Variants in ASH1L observed in about 807,000 individuals in gnomAD.
The protein encoded by ASH1L is ASH1 like histone lysine methyltransferase, also known as histone-lysine N-methyltransferase ASH1L.
In ASH1L, 23 loss-of-function variants were observed where a neutral mutation model predicts 269.0. That is an observed-to-expected ratio of 0.09 (90% CI 0.06 to 0.12). ASH1L has a LOEUF of 0.12. Among genes scored for constraint, ASH1L ranks in the 10% least tolerant of loss-of-function variants. The pLI, the probability that ASH1L is intolerant of heterozygous loss-of-function variation, is 1.00. For synonymous variants in ASH1L, 1,187 were observed against 1,253.5 expected (o/e 0.95, Z 1.12); for missense variants, 2,912 against 3,567.8 (o/e 0.82, Z 4.68).
At chr1:155,416,930 C>CTT (rs1227850302) in intron 5 of ASH1L, among the ~76,000 whole-genome samples, 2 of 122,960 alleles carry the variant, frequency 1.6e-5, no homozygotes, top group African/African-American at 3.0e-5. Flanking sequence ...CTTTCCTTTT[C>CTT]TTTTTTTTTT....
At chr1:155,475,561 T>C (rs1413075019) in intron 3 of ASH1L, among the ~76,000 whole-genome samples, 1 of 152,240 alleles carries the variant, frequency 6.6e-6, no homozygotes, top group Non-Finnish European at 1.5e-5. Context: ...GTATTAACTT[T>C]ATAGCATTTT....
At chr1:155,349,271 G>A (rs975569499) in intron 19 of ASH1L, 56 bp downstream of exon 19, 9 of 1,574,222 alleles carry the variant, frequency 5.7e-6, no homozygotes, top group Middle Eastern at 2.3e-4. Flanking sequence ...TAAACTTCTA[G>A]ACTAATTCTT....
rs1451434088 is a variant in ASH1L, at chr1:155,464,993, G to T, written c.4985-5095C>A. The stretch of plus-strand genomic sequence containing the variant: ...TAAACAGAAAATGAGCAGAAACCAA[G>T]AACCTGTTTTCAAATTGATTTGCCA... On this transcript the variant is annotated intron_variant, in intron 3 of 27. Coordinates refer to ENST00000392403, the MANE Select transcript of ASH1L (RefSeq NM_018489.3). Among the ~76,000 whole-genome samples, 3 of 151,972 alleles carry T rather than the reference G, an allele frequency of 2.0e-5. No homozygotes were observed. The South Asian group carries it at 6.2e-4, about 31-fold the overall frequency.
chr1:155,538,201 C>T (rs987225263), intron 1 of ASH1L, among the ~76,000 whole-genome samples: 2 of 150,504 alleles, frequency 1.3e-5, no homozygotes, highest in Non-Finnish European at 3.0e-5. Flanking sequence ...ATTTTTGTAT[C>T]TTTAGTACTT....
At position 155,475,969 on chromosome 1, in the gene ASH1L, CTATTA is replaced by C. The variant is rs369771400; in HGVS notation, c.4984+1912_4984+1916del. 5.2e-3 allele frequency among the ~76,000 whole-genome samples: 787 copies of C among 152,278 alleles called. 6 individuals carry two copies. The highest frequency in any genetic ancestry group is 0.018 in the African/African-American group (758 of 41,530). On this transcript the variant is annotated intron_variant, in intron 3 of 27. Transcript: ENST00000392403. Reference sequence around the variant, plus strand: ...TCAATGAACCTGTGTGCCTCATTCTCTATTATATAACAAGGGCCCACAAAGTAGAA... The same window carrying C: ...TCAATGAACCTGTGTGCCTCATTCTCTATAACAAGGGCCCACAAAGTAGAA...
Position 155,379,995 on chromosome 1 carries a change from C to T in ASH1L, c.6177+48G>A, listed in dbSNP as rs780366578. ...AAAAACACTTGCATTTCCACCCCTC[C>T]CCCTTTACCACTTAAGAATGAAACC... On this transcript the variant is annotated intron_variant, in intron 8 of 27. Transcript: ENST00000392403. 64 of 1,359,324 alleles carry T rather than the reference C, an allele frequency of 4.7e-5. 1 individual carries two copies. In the South Asian group the frequency reaches 7.3e-4, roughly 16 times the overall value. 84.2% of individuals were successfully genotyped at this position (1,359,324 alleles called of 1,614,324 possible). A position where few individuals can be genotyped will look rare whatever the true frequency, so the allele number is the denominator to read the frequency against.
chr1:155,550,045 G>A lies in ASH1L; in HGVS notation c.-100+12108C>T, dbSNP rs148515447. On this transcript the variant is annotated intron_variant, in intron 1 of 27. Coordinates refer to ENST00000392403, the MANE Select transcript of ASH1L (RefSeq NM_018489.3). ...ATAGCCTCTTTTTTTTTTTGAGACA[G>A]AGTCTCGCTCTGTTGCCCAAGCTGG... Among the ~76,000 whole-genome samples the A allele has an allele frequency of 1.7e-3, 252 of 151,068 alleles. 1 individual carries two copies. The highest frequency in any genetic ancestry group is 5.9e-3 in the African/African-American group (241 of 41,040).
At chr1:155,370,045 G>C (rs1655798193) in intron 12 of ASH1L, 2 of 172,908 alleles carry the variant, frequency 1.2e-5, no homozygotes, top group Non-Finnish European at 1.3e-5. Context: ...GGGATTACAG[G>C]CATGAGCCAA....
At chr1:155,546,028 G>A (rs979935043) in intron 1 of ASH1L, among the ~76,000 whole-genome samples, 16 of 151,956 alleles carry the variant, frequency 1.1e-4, no homozygotes, top group African/African-American at 3.6e-4. Context: ...GCGTGGTGGC[G>A]TGTGCCTGTA....
At chr1:155,557,287 G>C (rs1671661545) in intron 1 of ASH1L, among the ~76,000 whole-genome samples, 1 of 151,450 alleles carries the variant, frequency 6.6e-6, no homozygotes, top group South Asian at 2.1e-4. Flanking sequence ...TTTTGAGACA[G>C]AGTCTCGCTC....
chr1:155,533,729 A>G (rs965745826), intron 1 of ASH1L, among the ~76,000 whole-genome samples: 1 of 151,970 alleles, frequency 6.6e-6, no homozygotes, highest in Non-Finnish European at 1.5e-5. Flanking sequence ...AAAAAAAAAA[A>G]AAAAGAAAAG....
intron 2 of ASH1L, among the ~76,000 whole-genome samples, chr1:155,489,720 T>C (rs1238567497): frequency 1.3e-5 from 2 of 151,174 alleles, no homozygotes; most frequent in Admixed American, 1.3e-4. Flanking sequence ...ATTGCACCAC[T>C]GCACTCCAGC....
At chr1:155,524,215 C>T (rs1669076331) in intron 1 of ASH1L, among the ~76,000 whole-genome samples, 1 of 152,146 alleles carries the variant, frequency 6.6e-6, no homozygotes, top group Non-Finnish European at 1.5e-5. Context: ...TAAACATACA[C>T]ACTCTCCCTT....
At chr1:155,345,411 C>G (rs1485010162) in intron 21 of ASH1L, among the ~76,000 whole-genome samples, 1 of 150,862 alleles carries the variant, frequency 6.6e-6, no homozygotes, top group Non-Finnish European at 1.5e-5. Context: ...TCTTGAACTC[C>G]TAACCCCATG....
chr1:155,412,488 G>A (rs1043494154), intron 6 of ASH1L, among the ~76,000 whole-genome samples: 2 of 152,164 alleles, frequency 1.3e-5, no homozygotes, highest in Non-Finnish European at 2.9e-5. Flanking sequence ...AACATGTGGA[G>A]GTTCCTGGAG....
At position 155,488,790 on chromosome 1, in the gene ASH1L, G is replaced by A. The variant is rs146528182; in HGVS notation, c.421-6341C>T. On this transcript the variant is annotated intron_variant, in intron 2 of 27. Transcript: ENST00000392403. ...ACTGATAAGAGTTATCACTTTAAGAGAGCATATTATCAATTAGGCACTGAA... is the reference window on the plus strand; with the variant it reads ...ACTGATAAGAGTTATCACTTTAAGAAAGCATATTATCAATTAGGCACTGAA... Among the ~76,000 whole-genome samples the A allele has an allele frequency of 5.9e-3, 879 of 148,766 alleles. 7 individuals are homozygous for A. The highest frequency in any genetic ancestry group is 0.02 in the African/African-American group (825 of 40,372).
At chr1:155,538,641 C>CTTTTTT (rs35340905) in intron 1 of ASH1L, among the ~76,000 whole-genome samples, 1 of 107,972 alleles carries the variant, frequency 9.3e-6, no homozygotes, top group Non-Finnish European at 1.8e-5. Context: ...TGTACCCAGC[C>CTTTTTT]TTTTTTTTTT....
intron 6 of ASH1L, among the ~76,000 whole-genome samples, chr1:155,409,360 G>C (rs1659573090): frequency 6.6e-6 from 1 of 151,936 alleles, no homozygotes; most frequent in African/African-American, 2.4e-5. Flanking sequence ...TAAACTTAGG[G>C]AAAAAACATT....
At chr1:155,562,859 G>A (rs754559844), upstream of ASH1L, 5 of 216,166 alleles carry the variant, frequency 2.3e-5, no homozygotes, top group African/African-American at 1.6e-4. Context: ...CCGCCCCCAC[G>A]GCCACCAACC....
Sources: allele counts gnomAD v4.1 joint callset (sites outside exome capture counted in the v4.1 genomes callset), GRCh38; gene constraint gnomAD v4.1.1; transcripts MANE v1.5; gene names NCBI Gene and HGNC (gene_info 2026-07-23, HGNC 2026-07-21).